The following PRICKLE1 variants were observed in gnomAD, a reference collection of about 807,000 sequenced individuals.
PRICKLE1 encodes the protein prickle-like protein 1.
Under a neutral mutation model 70.2 loss-of-function variants are expected in PRICKLE1, and 14 were observed. That is an observed-to-expected ratio of 0.20 (90% CI 0.13 to 0.31). The LOEUF is 0.31. Among genes scored for constraint, PRICKLE1 ranks in the 10% least tolerant of loss-of-function variants. The pLI, the probability that PRICKLE1 is intolerant of heterozygous loss-of-function variation, is 1.00. For missense variants in PRICKLE1, 821 were observed against 1,026.2 expected (o/e 0.80, Z 2.73); for synonymous variants, 357 against 379.9 (o/e 0.94, Z 0.70).
At chr12:42,562,278 T>C (rs1940530414) in intron 1 of PRICKLE1, among the ~76,000 whole-genome samples, 1 of 152,170 alleles carries the variant, frequency 6.6e-6, no homozygotes, top group Non-Finnish European at 1.5e-5. Context: ...AATTAAAGTA[T>C]ATATGCTAAC....
At chr12:42,559,790 A>G (rs1940475676) in intron 1 of PRICKLE1, among the ~76,000 whole-genome samples, 1 of 151,462 alleles carries the variant, frequency 6.6e-6, no homozygotes, top group Admixed American at 6.6e-5. Context: ...CAGGCAACTG[A>G]CCTACCCCTT....
At chr12:42,473,278 C>A (rs746488358) in intron 1 of PRICKLE1, among the ~76,000 whole-genome samples, 1 of 152,198 alleles carries the variant, frequency 6.6e-6, no homozygotes, top group Non-Finnish European at 1.5e-5. Flanking sequence ...AAAATAAAAT[C>A]CAGCTTGGTG....
At chr12:42,549,102 G>A (rs1409650281) in intron 1 of PRICKLE1, among the ~76,000 whole-genome samples, 1 of 121,030 alleles carries the variant, frequency 8.3e-6, no homozygotes, top group Non-Finnish European at 1.6e-5. Context: ...TTGGGCAACA[G>A]AGTGAGACCC....
intron 1 of PRICKLE1, among the ~76,000 whole-genome samples, chr12:42,552,059 CTT>C (rs201217516): frequency 1.5e-5 from 2 of 129,260 alleles, no homozygotes; most frequent in South Asian, 2.5e-4. Context: ...AAGAAAGTTA[CTT>C]TTTTTTTTTT....
chr12:42,471,227 A>G (rs997861511), intron 2 of PRICKLE1, among the ~76,000 whole-genome samples: 3 of 152,120 alleles, frequency 2.0e-5, no homozygotes, highest in Non-Finnish European at 4.4e-5. Flanking sequence ...AGCCACATTG[A>G]GCTGTACTTT....
At chr12:42,555,000 T>C (rs1172413618) in intron 1 of PRICKLE1, among the ~76,000 whole-genome samples, 1 of 152,050 alleles carries the variant, frequency 6.6e-6, no homozygotes, top group African/African-American at 2.4e-5. Context: ...TTCAAACTCC[T>C]TTAAAATACA....
At chr12:42,496,250 T>A (rs1359699028) in intron 1 of PRICKLE1, among the ~76,000 whole-genome samples, 1 of 152,230 alleles carries the variant, frequency 6.6e-6, no homozygotes, top group Admixed American at 6.5e-5. Flanking sequence ...TGAGCAGTAA[T>A]ATTTTTAAAG....
At chr12:42,562,718 T>C (rs967020453) in intron 1 of PRICKLE1, among the ~76,000 whole-genome samples, 2 of 152,056 alleles carry the variant, frequency 1.3e-5, no homozygotes, top group African/African-American at 4.8e-5. Flanking sequence ...GGAAGAGATG[T>C]GAATATTATC....
chr12:42,564,575 T>C (rs1940590975), intron 1 of PRICKLE1, among the ~76,000 whole-genome samples: 2 of 152,152 alleles, frequency 1.3e-5, no homozygotes, highest in African/African-American at 4.8e-5. Context: ...GCCACTGCAC[T>C]TCAGCCTGGG....
chr12:42,479,501 AAC>A (rs928669178), intron 1 of PRICKLE1, among the ~76,000 whole-genome samples: 1 of 152,230 alleles, frequency 6.6e-6, no homozygotes, highest in African/African-American at 2.4e-5. Context: ...TTATTCATAT[AAC>A]ACAGTGATAT....
At chr12:42,463,481 A>C (rs1214932319) in intron 7 of PRICKLE1, 1 of 152,076 alleles carries the variant, frequency 6.6e-6, no homozygotes, top group Non-Finnish European at 1.5e-5. Context: ...GCACTTTGGG[A>C]GGCTGAGGCG....
At position 42,511,519 on chromosome 12, in the gene PRICKLE1, T is replaced by C. The variant is rs574619528; in HGVS notation, c.-48-38955A>G. Among the ~76,000 whole-genome samples, 5 of 152,318 alleles carry C rather than the reference T, an allele frequency of 3.3e-5. No individual in the cohort carries two copies. The East Asian group carries it at 7.7e-4, about 24-fold the overall frequency. ...AATTTCCTCTGAGGGTCTGGCCTTG[T>C]GGTGGGTGCTCTGATCCATTGGCCT... is the stretch of plus-strand genomic sequence containing the variant. On this transcript the variant is annotated intron_variant, in intron 1 of 7. Coordinates refer to ENST00000345127, the MANE Select transcript of PRICKLE1 (RefSeq NM_153026.3).
intron 1 of PRICKLE1, among the ~76,000 whole-genome samples, chr12:42,588,399 C>A (rs2120827088): frequency 6.6e-6 from 1 of 152,310 alleles, no homozygotes; most frequent in South Asian, 2.1e-4. Flanking sequence ...ATTTGTCATT[C>A]ATAAAACTTA....
chr12:42,493,346 C>T (rs1471331424), intron 1 of PRICKLE1, among the ~76,000 whole-genome samples: 2 of 152,012 alleles, frequency 1.3e-5, no homozygotes, highest in African/African-American at 4.8e-5. Flanking sequence ...ATATATACAC[C>T]GTCTATGTAC....
At chr12:42,478,819 T>C (rs1938679405) in intron 1 of PRICKLE1, among the ~76,000 whole-genome samples, 1 of 151,898 alleles carries the variant, frequency 6.6e-6, no homozygotes, top group African/African-American at 2.4e-5. Flanking sequence ...TTGTCCTTTC[T>C]CTCGCCTCTT....
intron 1 of PRICKLE1, among the ~76,000 whole-genome samples, chr12:42,531,567 T>TA (rs1939918932): frequency 6.6e-6 from 1 of 152,212 alleles, no homozygotes; most frequent in Non-Finnish European, 1.5e-5. Context: ...GTGCAATCAA[T>TA]AAACTAAAAG....
At chr12:42,553,208 C>T (rs1940352914) in intron 1 of PRICKLE1, among the ~76,000 whole-genome samples, 6 of 151,970 alleles carry the variant, frequency 3.9e-5, no homozygotes, top group Admixed American at 2.6e-4. Context: ...TCTGGGAGAC[C>T]GAGGCGGGCG....
Position 42,492,021 on chromosome 12 carries a change from T to C in PRICKLE1, c.-48-19457A>G, listed in dbSNP as rs905164208. 5.3e-5 allele frequency among the ~76,000 whole-genome samples: 8 copies of C among 152,114 alleles called. No individual in the cohort carries two copies. In the South Asian group the frequency reaches 8.3e-4, roughly 16 times the overall value. ...GGCTGGTCTCAAACTCCTGACCTAATGACCTGCCTGTCTCGGCCTCCCAAA... is the reference window on the plus strand; with the variant it reads ...GGCTGGTCTCAAACTCCTGACCTAACGACCTGCCTGTCTCGGCCTCCCAAA... On this transcript the variant is annotated intron_variant, in intron 1 of 7. Transcript: ENST00000345127.
intron 1 of PRICKLE1, 142 bp from the exon 2 acceptor site, chr12:42,472,706 AG>A: frequency 1.5e-6 from 1 of 660,024 alleles, no homozygotes; most frequent in Non-Finnish European, 2.6e-6. Flanking sequence ...CACCACCCCC[AG>A]GCCCCAGGCC....
Sources: gnomAD v4.1 joint callset for allele counts (sites outside exome capture counted in the v4.1 genomes callset) on GRCh38, gnomAD v4.1.1 for gene constraint, MANE v1.5 for transcripts, NCBI Gene and HGNC (gene_info 2026-07-23, HGNC 2026-07-21) for gene names.